Variants in NOTCH2 observed in about 807,000 individuals in gnomAD.
NOTCH2 encodes neurogenic locus notch homolog protein 2.
NOTCH2 carries 29 observed loss-of-function variants against 235.8 expected under a neutral mutation model. The observed-to-expected ratio is 0.12, with a 90% CI of 0.09 to 0.17. NOTCH2 has a LOEUF of 0.17. NOTCH2 is among the 10% of genes least tolerant of loss of function. NOTCH2 has a pLI of 1.00. For missense variants in NOTCH2, 2,285 were observed against 3,150.2 expected (o/e 0.73, Z 6.57); for synonymous variants, 1,086 against 1,141.5 (o/e 0.95, Z 0.98).
intron 21 of NOTCH2, among the ~76,000 whole-genome samples, chr1:119,936,628 C>G (rs1363543365): frequency 6.6e-6 from 1 of 152,174 alleles, no homozygotes; most frequent in Non-Finnish European, 1.5e-5. Flanking sequence ...CAGAAGCTAT[C>G]GTTGGCTCAT....
intron 3 of NOTCH2, among the ~76,000 whole-genome samples, chr1:119,999,482 T>G (rs1332543868): frequency 6.8e-6 from 1 of 147,632 alleles, no homozygotes; most frequent in Non-Finnish European, 1.5e-5. Flanking sequence ...ATTCTTCTTG[T>G]CTTTCCACTC....
chr1:120,059,974 C>A (rs1655254075), intron 1 of NOTCH2, among the ~76,000 whole-genome samples: 1 of 108,332 alleles, frequency 9.2e-6, no homozygotes, highest in African/African-American at 3.4e-5. Flanking sequence ...ACGATACAGT[C>A]AGATAAGAAC....
intron 8 of NOTCH2, among the ~76,000 whole-genome samples, chr1:119,967,073 A>G (rs1233431043): frequency 1.3e-5 from 2 of 152,244 alleles, no homozygotes; most frequent in East Asian, 3.8e-4. Flanking sequence ...ATTGTGGATA[A>G]AATTTATTTA....
chr1:119,996,978 A>C lies in NOTCH2; in HGVS notation c.751+19T>G. ...TAGGGGTTTGTCCCCTAATCCTGGGACACTAGGGAGCTCCTTACCTGGAAG... is the reference window on the plus strand; with the variant it reads ...TAGGGGTTTGTCCCCTAATCCTGGGCCACTAGGGAGCTCCTTACCTGGAAG... On this transcript the variant is annotated intron_variant, in intron 4 of 33. Coordinates refer to ENST00000256646, the MANE Select transcript of NOTCH2 (RefSeq NM_024408.4). The C allele has an allele frequency of 1.2e-6, 2 of 1,610,440 alleles. No homozygotes were observed.
chr1:119,968,259 C>T (rs2101145847), intron 6 of NOTCH2, 27 bp from the exon 7 acceptor site: 1 of 1,611,840 alleles, frequency 6.2e-7, no homozygotes, highest in Non-Finnish European at 8.5e-7. Flanking sequence ...CAAAGGACAA[C>T]TAAGAGAAAA....
At position 119,953,638 on chromosome 1, in the gene NOTCH2, T is replaced by C. The variant is rs1553198082; in HGVS notation, c.2270A>G (p.Asp757Gly). ...TGGATTCGAAAGGCATTCATTTTTG[T>C]CCACTTCACAGTTGATGCCAACCCA... is the stretch of plus-strand genomic sequence containing the variant. ...AGWVGINCEV[D>G]KNECLSNPCQ... Residue 757 changes from aspartate (D) to glycine (G), a missense_variant, in exon 14 of 34, where the codon GAC becomes GGC. Transcript: ENST00000256646. The C allele has an allele frequency of 6.2e-7, 1 of 1,614,184 alleles. No individual in the cohort carries two copies. Among genetic ancestry groups the C allele is most frequent in the South Asian group, 1.1e-5 (1 of 91,084 alleles).
chr1:120,040,990 G>A (rs375597661), intron 1 of NOTCH2, among the ~76,000 whole-genome samples: 15 of 128,362 alleles, frequency 1.2e-4, no homozygotes, highest in African/African-American at 2.9e-4. Flanking sequence ...GCAATGAGCC[G>A]AGATTGTGCC....
intron 5 of NOTCH2, among the ~76,000 whole-genome samples, chr1:119,973,995 C>T (rs2641317): frequency 0.17 from 25,405 of 152,046 alleles, 2,955 homozygotes; most frequent in African/African-American, 0.32. Flanking sequence ...AAGACATGAT[C>T]GATACTGTGT....
At position 119,959,511 on chromosome 1, in the gene NOTCH2, GA is replaced by G; in HGVS notation, c.1916-10del. 2.8e-6 allele frequency: 4 copies of G among 1,453,310 alleles called. No individual in the cohort carries two copies. The highest frequency in any genetic ancestry group is 3.9e-6 in the Non-Finnish European group (4 of 1,033,390). The allele number at this position is 1,453,310 out of a possible 1,614,324, so 90.0% of individuals were successfully genotyped here. ...AATTTCACAATTAACCCCTGGAAGA[GA>G]AAACCCAACGGAAACCATTCAATGT... On this transcript the variant is annotated splice_polypyrimidine_tract_variant and intron_variant, in intron 11 of 33. Transcript: ENST00000256646.
intron 1 of NOTCH2, among the ~76,000 whole-genome samples, chr1:120,065,765 A>C (rs587770970): frequency 6.6e-6 from 1 of 152,320 alleles, no homozygotes; most frequent in East Asian, 1.9e-4. Context: ...ATTTGCAGAG[A>C]AAGGGGGAGA....
intron 3 of NOTCH2, among the ~76,000 whole-genome samples, chr1:119,999,109 T>A (rs1225801624): frequency 7.2e-6 from 1 of 139,402 alleles, no homozygotes; most frequent in Non-Finnish European, 1.5e-5. Context: ...TTTGGGTTGG[T>A]TCCAAGTCTT....
intron 23 of NOTCH2, among the ~76,000 whole-genome samples, chr1:119,928,170 G>A (rs1649536690): frequency 1.3e-5 from 2 of 152,142 alleles, no homozygotes; most frequent in Non-Finnish European, 2.9e-5. Context: ...TAACTAGTAA[G>A]TTCTTGTGAT....
At position 119,959,597 on chromosome 1, in the gene NOTCH2, G is replaced by T. The variant is rs587739360; in HGVS notation, c.1916-95C>A. Reference sequence around the variant, plus strand: ...GCAGCAACGTGGTAAGAAATCTAAGGTGAATTCCAGCCAACCCTGGACAGA... The same window carrying T: ...GCAGCAACGTGGTAAGAAATCTAAGTTGAATTCCAGCCAACCCTGGACAGA... On this transcript the variant is annotated intron_variant, in intron 11 of 33. Transcript: ENST00000256646. 869 of 760,172 alleles carry T rather than the reference G, an allele frequency of 1.1e-3. 7 individuals carry two copies. Among genetic ancestry groups the T allele is most frequent in the South Asian group, 5.0e-3 (355 of 71,184 alleles). The allele number at this position is 760,172 out of a possible 1,614,324, so 47.1% of individuals were successfully genotyped here.
At chr1:119,971,403 A>G (rs1004321845) in intron 5 of NOTCH2, among the ~76,000 whole-genome samples, 2 of 152,238 alleles carry the variant, frequency 1.3e-5, no homozygotes, top group African/African-American at 4.8e-5. Flanking sequence ...CTGACCCAAG[A>G]TGGGCATCTG....
At chr1:119,951,986 C>A (rs1228284639) in intron 14 of NOTCH2, among the ~76,000 whole-genome samples, 2 of 152,176 alleles carry the variant, frequency 1.3e-5, no homozygotes, top group African/African-American at 4.8e-5. Flanking sequence ...GGCTGAAATA[C>A]AGTCTCAGAA....
chr1:119,987,319 C>T lies in NOTCH2; in HGVS notation c.752-237G>A, dbSNP rs587769958. The stretch of plus-strand genomic sequence containing the variant: ...ATGGCATGCCTTCATAGTTACCTCA[C>T]AAGTATTTCAAAATGTTTTCATGAA... On this transcript the variant is annotated intron_variant, in intron 4 of 33. Coordinates refer to ENST00000256646, the MANE Select transcript of NOTCH2 (RefSeq NM_024408.4). Among the ~76,000 whole-genome samples, 21 of 152,214 alleles carry T rather than the reference C, an allele frequency of 1.4e-4. No individual in the cohort carries two copies. In the South Asian group the frequency reaches 4.4e-3, roughly 32 times the overall value.
Position 119,915,976 on chromosome 1 carries a change from A to T in NOTCH2, c.6746T>A (p.Val2249Asp). 1.2e-6 allele frequency: 2 copies of T among 1,613,990 alleles called. No individual in the cohort carries two copies. The highest frequency in any genetic ancestry group is 1.7e-6 in the Non-Finnish European group (2 of 1,180,032). ...GSLSRLHPVP[V>D]PADWMNRMEV... ...CATGCGGTTCATCCAATCTGCTGGGACTGGGACTGGATGGAGCCTACTCAA... is the reference window on the plus strand; with the variant it reads ...CATGCGGTTCATCCAATCTGCTGGGTCTGGGACTGGATGGAGCCTACTCAA... The change falls in exon 34 of 34, where the codon GTC becomes GAC. Residue 2249 changes from valine to aspartate, a missense_variant. Val to Asp is a radical substitution (Grantham distance 152, BLOSUM62 -3). Around this residue, in one of 6 missense-constraint regions of NOTCH2, gnomAD observed 504 missense variants for 538.0 expected, o/e 0.94. Transcript: ENST00000256646.
intron 13 of NOTCH2, among the ~76,000 whole-genome samples, chr1:119,954,619 C>T (rs782444297): frequency 6.6e-6 from 1 of 152,126 alleles, no homozygotes; most frequent in Admixed American, 6.5e-5. Context: ...TTGGCTGAAG[C>T]GGCCCTACTT....
Position 119,940,609 on chromosome 1 carries a change from G to A in NOTCH2, c.3129C>T (p.Gly1043=), listed in dbSNP as rs781850335. Reference sequence around the variant, plus strand: ...GGCAGCTGCAGCGGTAGGTACCCAGGCCATCAACACACGTTCCCTCATTCA... The same window carrying A: ...GGCAGCTGCAGCGGTAGGTACCCAGACCATCAACACACGTTCCCTCATTCA... The part of the protein sequence containing the change: ...PCLNEGTCVD[G]LGTYRCSCPL... Residue 1043 remains glycine, a synonymous_variant, in exon 19 of 34, where the codon GGC becomes GGT. Coordinates refer to ENST00000256646, the MANE Select transcript of NOTCH2 (RefSeq NM_024408.4). 1 of 1,614,036 alleles carries A rather than the reference G, an allele frequency of 6.2e-7. No homozygotes were observed. Among genetic ancestry groups the A allele is most frequent in the Non-Finnish European group, 8.5e-7 (1 of 1,179,942 alleles).
Sources: allele counts gnomAD v4.1 joint callset (sites outside exome capture counted in the v4.1 genomes callset), GRCh38; gene constraint gnomAD v4.1.1; regional missense constraint gnomAD v4.1.1; transcripts MANE v1.5; gene names NCBI Gene and HGNC (gene_info 2026-07-23, HGNC 2026-07-21).